The following ZNF251 variants were observed in gnomAD, a reference collection of about 807,000 sequenced individuals.
The protein encoded by ZNF251 is zinc finger protein 251.
A neutral mutation model predicts 13.5 loss-of-function variants in ZNF251; 14 were observed. The observed-to-expected ratio is 1.04, with a 90% CI of 0.69 to 1.63. The LOEUF is 1.63. Among genes scored for constraint, ZNF251 ranks in the 40% most tolerant of loss-of-function variants. The pLI, the probability that ZNF251 is intolerant of heterozygous loss-of-function variation, is 0.00. For missense variants in ZNF251, 764 were observed against 834.9 expected (o/e 0.92, Z 1.05); for synonymous variants, 287 against 295.2 (o/e 0.97, Z 0.28).
At chr8:144,731,479 T>C (rs1172066827) in intron 4 of ZNF251, among the ~76,000 whole-genome samples, 1 of 152,230 alleles carries the variant, frequency 6.6e-6, no homozygotes, top group Non-Finnish European at 1.5e-5. Context: ...ATTTATATAA[T>C]TTTCACCTCA....
chr8:144,728,855 C>T (rs1489431943), intron 4 of ZNF251, among the ~76,000 whole-genome samples: 1 of 151,796 alleles, frequency 6.6e-6, no homozygotes, highest in African/African-American at 2.4e-5. Flanking sequence ...TTTGGAGGCC[C>T]AGGGGGGCAG....
chr8:144,722,775 A>G lies in ZNF251; in HGVS notation c.885T>C (p.Cys295=). 6.2e-7 allele frequency: 1 copy of G among 1,614,086 alleles called. No individual in the cohort carries two copies. The highest frequency in any genetic ancestry group is 8.5e-7 in the Non-Finnish European group (1 of 1,179,942). ...GACTGAAAGCCTTCCCACACTCACC[A>G]CAGCCAAAGGGTTTTTCTCCAGTGT... ...RIHTGEKPFG[C]GECGKAFSRS... The change falls in exon 5 of 5, where the codon TGT becomes TGC. Residue 295 remains cysteine, a synonymous_variant. Transcript: ENST00000292562. The surrounding 1 kb of genome is among the most constrained non-coding windows in gnomAD (Gnocchi z 4.8).
At chr8:144,731,948 A>G (rs181550220) in intron 4 of ZNF251, among the ~76,000 whole-genome samples, 1 of 141,978 alleles carries the variant, frequency 7.0e-6, no homozygotes, top group Non-Finnish European at 1.5e-5. Context: ...TGACAGCTGC[A>G]TTTTTTTTTT....
chr8:144,753,720 T>C lies in ZNF251; in HGVS notation c.240A>G (p.Gly80=). 1 of 1,597,562 alleles carries C rather than the reference T, an allele frequency of 6.3e-7. No individual in the cohort carries two copies. The highest frequency in any genetic ancestry group is 1.1e-5 in the South Asian group (1 of 88,164). Residue 80 remains glycine, a synonymous_variant, in exon 4 of 5, where the codon GGA becomes GGG. Transcript: ENST00000292562. The stretch of plus-strand genomic sequence containing the variant: ...TTTTCAAGATATCTGGTTCCTCAGC[T>C]CCCAGAAGATTCAGGACCCAAAGTT... ...GKELWVLNLL[G]AEEPDILKSC...
rs778074087 is a variant in ZNF251, at chr8:144,721,299, G to T, written c.*345C>A. 8 of 342,474 alleles carry T rather than the reference G, an allele frequency of 2.3e-5. No homozygotes were observed. The highest frequency in any genetic ancestry group is 3.7e-5 in the Non-Finnish European group (7 of 190,938). 21.2% of individuals were successfully genotyped at this position (342,474 alleles called of 1,614,324 possible). A position where few individuals can be genotyped will look rare whatever the true frequency, so the allele number is the denominator to read the frequency against. On this transcript the variant is annotated 3_prime_UTR_variant, in exon 5 of 5. Transcript: ENST00000292562. ...TGTTCTCAGCCACAAGCCTGGGCCTGGATAGGAAACAAAGGATAAGACTGG... is the reference window on the plus strand; with the variant it reads ...TGTTCTCAGCCACAAGCCTGGGCCTTGATAGGAAACAAAGGATAAGACTGG...
At chr8:144,752,189 C>T (rs1166688860) in intron 4 of ZNF251, among the ~76,000 whole-genome samples, 1 of 146,128 alleles carries the variant, frequency 6.8e-6, no homozygotes, top group Non-Finnish European at 1.5e-5. Flanking sequence ...TGAACAATAC[C>T]ATCAACCACC....
In ZNF251 at chr8:144,734,222, G is replaced by C. The variant is rs1823811622; in HGVS notation, c.278-10840C>G. On this transcript the variant is annotated intron_variant, in intron 4 of 4. Transcript: ENST00000292562. The surrounding 1 kb of genome is among the most constrained non-coding windows in gnomAD (Gnocchi z 4.4). ...GCTCCTGGCTGTAAGGACACCTCCCGTGGCGTTCACAGGTATCCAGGTCTA... is the reference window on the plus strand; with the variant it reads ...GCTCCTGGCTGTAAGGACACCTCCCCTGGCGTTCACAGGTATCCAGGTCTA... Among the ~76,000 whole-genome samples the C allele has an allele frequency of 6.6e-6, 1 of 152,200 alleles. No individual in the cohort carries two copies. The highest frequency in any genetic ancestry group is 6.5e-5 in the Admixed American group (1 of 15,276).
At chr8:144,742,458 C>G (rs1443204195) in intron 4 of ZNF251, among the ~76,000 whole-genome samples, 1 of 151,950 alleles carries the variant, frequency 6.6e-6, no homozygotes, top group Non-Finnish European at 1.5e-5. Flanking sequence ...AAACACAGTT[C>G]CTGCATACCC....
chr8:144,753,789 A>G lies in ZNF251; in HGVS notation c.171T>C (p.Pro57=), dbSNP rs1325315544. ...NYGNVASLGF[P]VPKPELISQL... Reference sequence around the variant, plus strand: ...GGGAGATCAACTCCGGCTTAGGGACAGGGAATCCTGTTGAGGATGAGGACA... The same window carrying G: ...GGGAGATCAACTCCGGCTTAGGGACGGGGAATCCTGTTGAGGATGAGGACA... The change falls in exon 4 of 5, where the codon CCT becomes CCC. Residue 57 remains proline, a synonymous_variant. Coordinates refer to ENST00000292562, the MANE Select transcript of ZNF251 (RefSeq NM_138367.2). The G allele has an allele frequency of 1.3e-5, 20 of 1,575,164 alleles. No individual in the cohort carries two copies. Among genetic ancestry groups the G allele is most frequent in the South Asian group, 3.5e-5 (3 of 86,000 alleles).
At chr8:144,733,330 C>A (rs1823776888) in intron 4 of ZNF251, among the ~76,000 whole-genome samples, 1 of 152,222 alleles carries the variant, frequency 6.6e-6, no homozygotes, top group South Asian at 2.1e-4. Flanking sequence ...CACTTGAGGC[C>A]AAAAGTTTGA....
Position 144,755,427 on chromosome 8 carries a change from C to G in ZNF251, c.-98G>C. On this transcript the variant is annotated 5_prime_UTR_variant, in exon 1 of 5. Transcript: ENST00000292562. ...CACCTGTTTGCTCGACCCGGGGAAGCCACCGAGGAAGCGCCGAGGAGCTGC... is the reference window on the plus strand; with the variant it reads ...CACCTGTTTGCTCGACCCGGGGAAGGCACCGAGGAAGCGCCGAGGAGCTGC... 5 of 1,287,844 alleles carry G rather than the reference C, an allele frequency of 3.9e-6. No homozygotes were observed. The highest frequency in any genetic ancestry group is 1.2e-5 in the South Asian group (1 of 80,880). 79.8% of individuals were successfully genotyped at this position (1,287,844 alleles called of 1,614,324 possible). A position where few individuals can be genotyped will look rare whatever the true frequency, so the allele number is the denominator to read the frequency against.
Position 144,723,295 on chromosome 8 carries a change from C to T in ZNF251, c.365G>A (p.Arg122Lys). 2 of 1,569,648 alleles carry T rather than the reference C, an allele frequency of 1.3e-6. No individual in the cohort carries two copies. Among genetic ancestry groups the T allele is most frequent in the Non-Finnish European group, 1.7e-6 (2 of 1,160,240 alleles). ...EVKTPEFVSR[R>K]LLRDNAQAAE... Reference sequence around the variant, plus strand: ...GGCCTGTGCATTATCCCTTAAGAGTCTTCTTGATACAAATTCTGGGGTTTT... The same window carrying T: ...GGCCTGTGCATTATCCCTTAAGAGTTTTCTTGATACAAATTCTGGGGTTTT... The change falls in exon 5 of 5, where the codon AGA becomes AAA. Residue 122 changes from arginine (R) to lysine (K), a missense_variant. Coordinates refer to ENST00000292562, the MANE Select transcript of ZNF251 (RefSeq NM_138367.2).
At chr8:144,743,427 C>G (rs553661777) in intron 4 of ZNF251, among the ~76,000 whole-genome samples, 1 of 152,122 alleles carries the variant, frequency 6.6e-6, no homozygotes, top group Non-Finnish European at 1.5e-5. Flanking sequence ...TTTATTTACC[C>G]GCTTATCTAC....
In ZNF251 at chr8:144,722,586, G is replaced by A; in HGVS notation, c.1074C>T (p.Phe358=). The change falls in exon 5 of 5, where the codon TTC becomes TTT. Residue 358 remains phenylalanine (F), a synonymous_variant. Transcript: ENST00000292562. The surrounding 1 kb of genome is among the most constrained non-coding windows in gnomAD (Gnocchi z 4.8). ...GCTGAATAAGGCTGGAGCTTCGACT[G>A]AAGGCCTTCCCACAGTGACTGCATT... ...PHECSHCGKA[F]SRSSSLIQHE... is the part of the protein sequence containing the mutation. 1 of 1,614,042 alleles carries A rather than the reference G, an allele frequency of 6.2e-7. No homozygotes were observed. Among genetic ancestry groups the A allele is most frequent in the Non-Finnish European group, 8.5e-7 (1 of 1,180,008 alleles).
chr8:144,732,109 A>C (rs1823715389), intron 4 of ZNF251, among the ~76,000 whole-genome samples: 1 of 151,178 alleles, frequency 6.6e-6, no homozygotes, highest in Non-Finnish European at 1.5e-5. Flanking sequence ...CGCCTGGCTA[A>C]TTTTTTTATT....
At chr8:144,725,559 T>C (rs2129930898) in intron 4 of ZNF251, among the ~76,000 whole-genome samples, 1 of 152,318 alleles carries the variant, frequency 6.6e-6, no homozygotes, top group South Asian at 2.1e-4. Flanking sequence ...CCCAAAGTGC[T>C]GGGATTACAG....
At chr8:144,754,443 A>T (rs1824857945) in intron 2 of ZNF251, 122 bp from the exon 3 acceptor site, 2 of 1,447,640 alleles carry the variant, frequency 1.4e-6, no homozygotes, top group African/African-American at 1.4e-5. Context: ...TGAACTGTGT[A>T]TCAGCAGGTC....
Position 144,754,616 on chromosome 8 carries a change from T to G in ZNF251, c.33+80A>C, listed in dbSNP as rs1824867937. The G allele has an allele frequency of 3.3e-6, 5 of 1,515,262 alleles. No individual in the cohort carries two copies. The African/African-American group carries it at 6.9e-5, about 21-fold the overall frequency. The allele number at this position is 1,515,262 out of a possible 1,614,324, so 93.9% of individuals were successfully genotyped here. A position where few individuals can be genotyped will look rare whatever the true frequency, so the allele number is the denominator to read the frequency against. ...TGGCTGGCCTTACCAGTTGCCGGGCTCACGGCTCCAGAGGAGAGTAGCTTC... is the reference window on the plus strand; with the variant it reads ...TGGCTGGCCTTACCAGTTGCCGGGCGCACGGCTCCAGAGGAGAGTAGCTTC... On this transcript the variant is annotated intron_variant, in intron 2 of 4. Coordinates refer to ENST00000292562, the MANE Select transcript of ZNF251 (RefSeq NM_138367.2).
At chr8:144,740,743 G>C (rs2130012534) in intron 4 of ZNF251, among the ~76,000 whole-genome samples, 1 of 152,114 alleles carries the variant, frequency 6.6e-6, no homozygotes, top group East Asian at 1.9e-4. Context: ...AGACCAGCCT[G>C]ACCAACATGG....
Sources: allele counts gnomAD v4.1 joint callset (sites outside exome capture counted in the v4.1 genomes callset), GRCh38; gene constraint gnomAD v4.1.1; non-coding constraint Gnocchi (gnomAD v3.1); transcripts MANE v1.5; gene names NCBI Gene and HGNC (gene_info 2026-07-23, HGNC 2026-07-21).